DIAPH2: variants seen among roughly 807,000 people sequenced by gnomAD.
DIAPH2 encodes the protein protein diaphanous homolog 2.
A neutral mutation model predicts 92.7 loss-of-function variants in DIAPH2; 35 were observed. The ratio of observed to expected loss-of-function variants is 0.38; its 90% CI spans 0.29 to 0.50. The LOEUF is 0.50. Ranked by LOEUF, DIAPH2 falls within the 20% of genes least tolerant of loss-of-function variation. DIAPH2 has a pLI of 0.94. For missense variants in DIAPH2, 701 were observed against 819.5 expected (o/e 0.86, Z 1.77); for synonymous variants, 301 against 280.4 (o/e 1.07, Z -0.73).
intron 4 of DIAPH2, among the ~76,000 whole-genome samples, chrX:96,835,939 G>C (rs1343282023): frequency 9.1e-6 from 1 of 110,061 alleles, no homozygotes; most frequent in Non-Finnish European, 1.9e-5. Context: ...TCAGCCACCC[G>C]AGTAGCTGAA....
chrX:97,357,803 A>G (rs765214086), intron 24 of DIAPH2, among the ~76,000 whole-genome samples: 1 of 112,141 alleles, frequency 8.9e-6, no homozygotes, highest in African/African-American at 3.2e-5. Flanking sequence ...TGGTAATGAA[A>G]TATAATACAT....
chrX:96,823,669 A>G (rs2064793081), intron 4 of DIAPH2, among the ~76,000 whole-genome samples: 1 of 111,241 alleles, frequency 9.0e-6, no homozygotes, highest in African/African-American at 3.3e-5. Flanking sequence ...TAAAGGAGAA[A>G]GGGTTCAATT....
chrX:97,061,573 C>A (rs2066597722), intron 17 of DIAPH2, among the ~76,000 whole-genome samples: 1 of 110,577 alleles, frequency 9.0e-6, no homozygotes, highest in Admixed American at 9.6e-5. Context: ...CTTTGGGAGG[C>A]TGAGGCAGGT....
At chrX:96,789,379 A>G (rs1258424697) in intron 4 of DIAPH2, among the ~76,000 whole-genome samples, 1 of 112,018 alleles carries the variant, frequency 8.9e-6, no homozygotes, top group Non-Finnish European at 1.9e-5. Context: ...TGTTTGTACA[A>G]ACAGGCATAG....
At chrX:96,951,809 A>C (rs763993637) in intron 15 of DIAPH2, among the ~76,000 whole-genome samples, 1 of 112,071 alleles carries the variant, frequency 8.9e-6, no homozygotes, top group Admixed American at 9.5e-5. Flanking sequence ...AATATTTGAG[A>C]TTCCTTATTA....
chrX:97,009,186 G>A lies in DIAPH2; in HGVS notation c.2050+43979G>A, dbSNP rs2066206760. ...CCTCCCCTTTTCACAAGCAGAGGAG[G>A]TTCTCCGTGTGGCCATCACCACCCC... is the stretch of plus-strand genomic sequence containing the variant. On this transcript the variant is annotated intron_variant, in intron 17 of 26. Transcript: ENST00000324765. Among the ~76,000 whole-genome samples, 8 of 110,699 alleles carry A rather than the reference G, an allele frequency of 7.2e-5. No homozygotes were observed. In the Admixed American group the frequency reaches 7.7e-4, roughly 11 times the overall value.
intron 26 of DIAPH2, among the ~76,000 whole-genome samples, chrX:97,500,778 A>C (rs5921839): frequency 3.7e-5 from 3 of 80,780 alleles, no homozygotes; most frequent in Admixed American, 1.3e-4. Flanking sequence ...ATATATATAT[A>C]TATATATATA....
chrX:97,434,249 G>A, intron 26 of DIAPH2, among the ~76,000 whole-genome samples: 1 of 111,188 alleles, frequency 9.0e-6, no homozygotes, highest in African/African-American at 3.3e-5. Context: ...AGGAACACAA[G>A]TTACGCATTA....
Position 96,965,073 on chromosome X carries a change from C to A in DIAPH2, c.1936-20C>A. 2 of 1,172,964 alleles carry A rather than the reference C, an allele frequency of 1.7e-6. No individual in the cohort carries two copies. The highest frequency in any genetic ancestry group is 3.8e-5 in the South Asian group (2 of 52,056). On this transcript the variant is annotated intron_variant, in intron 16 of 26. Coordinates refer to ENST00000324765, the MANE Select transcript of DIAPH2 (RefSeq NM_006729.5). ...ATGAGGTTATAATTTAGAATCTATT[C>A]TTTGTTATTTTTGTTTCAGATTGAA... is the stretch of plus-strand genomic sequence containing the variant.
At chrX:97,155,522 T>A (rs923865033) in intron 22 of DIAPH2, among the ~76,000 whole-genome samples, 8 of 104,681 alleles carry the variant, frequency 7.6e-5, no homozygotes, top group Non-Finnish European at 1.2e-4. Flanking sequence ...AAAAAAAAAA[T>A]GTGGAATATT....
At chrX:96,715,888 C>A (rs2063946806) in intron 1 of DIAPH2, among the ~76,000 whole-genome samples, 1 of 108,756 alleles carries the variant, frequency 9.2e-6, no homozygotes, top group Non-Finnish European at 1.9e-5. Flanking sequence ...GTCTTCTTTG[C>A]TTTTGGTTTA....
chrX:97,353,527 C>T (rs549241922), intron 24 of DIAPH2, among the ~76,000 whole-genome samples: 5 of 110,960 alleles, frequency 4.5e-5, no homozygotes, highest in African/African-American at 1.6e-4. Flanking sequence ...CCAGGCACTC[C>T]ATAAATATTT....
At chrX:97,506,870 T>G (rs1230262160) in intron 26 of DIAPH2, among the ~76,000 whole-genome samples, 3 of 111,835 alleles carry the variant, frequency 2.7e-5, no homozygotes, top group Admixed American at 9.5e-5. Context: ...CATTTTTGAT[T>G]TTTAACAAAC....
At chrX:97,281,465 C>T (rs755594611) in intron 23 of DIAPH2, among the ~76,000 whole-genome samples, 1 of 110,931 alleles carries the variant, frequency 9.0e-6, no homozygotes, top group Non-Finnish European at 1.9e-5. Flanking sequence ...AAGAAGGAGG[C>T]CGGGCGCAGT....
At chrX:97,519,310 G>A (rs767991558) in intron 26 of DIAPH2, among the ~76,000 whole-genome samples, 1 of 111,524 alleles carries the variant, frequency 9.0e-6, no homozygotes, top group African/African-American at 3.3e-5. Flanking sequence ...TCATTGTATT[G>A]TTAGTCATGT....
chrX:97,384,188 G>C, intron 25 of DIAPH2, 144 bp downstream of exon 25: 1 of 504,352 alleles, frequency 2.0e-6, no homozygotes, highest in Non-Finnish European at 3.2e-6. Context: ...ATGATGCTAT[G>C]TGTGGTTTCC....
chrX:96,843,334 A>G (rs1020596994), intron 4 of DIAPH2, among the ~76,000 whole-genome samples: 2 of 111,908 alleles, frequency 1.8e-5, no homozygotes, highest in African/African-American at 6.5e-5. Flanking sequence ...CCAATTAAAC[A>G]TCTTTTCTTA....
rs763805703 is a variant in DIAPH2, at chrX:97,579,928, C to T, written c.3242-19325C>T. On this transcript the variant is annotated intron_variant, in intron 26 of 26. Coordinates refer to ENST00000324765, the MANE Select transcript of DIAPH2 (RefSeq NM_006729.5). ...CCTAGCTATTTTCTTCTCTTTGAGG[C>T]AATTGTGAATGGGAGTTCACTCATG... Among the ~76,000 whole-genome samples the T allele has an allele frequency of 3.3e-3, 360 of 109,586 alleles. 2 individuals are homozygous for T. Among genetic ancestry groups the T allele is most frequent in the African/African-American group, 0.012 (348 of 30,133 alleles).
At chrX:97,170,764 G>A (rs1398004934) in intron 22 of DIAPH2, among the ~76,000 whole-genome samples, 4 of 111,225 alleles carry the variant, frequency 3.6e-5, no homozygotes, top group Admixed American at 9.5e-5. Flanking sequence ...AGATATTTTG[G>A]TTTATAGCAT....
Sources: allele counts gnomAD v4.1 joint callset (sites outside exome capture counted in the v4.1 genomes callset), GRCh38; gene constraint gnomAD v4.1.1; transcripts MANE v1.5; gene names NCBI Gene and HGNC (gene_info 2026-07-23, HGNC 2026-07-21).